Variants in PTPRR observed in about 807,000 individuals in gnomAD.
PTPRR encodes the protein receptor-type tyrosine-protein phosphatase R.
Under a neutral mutation model 77.2 loss-of-function variants are expected in PTPRR, and 38 were observed. The ratio of observed to expected loss-of-function variants is 0.49; its 90% CI spans 0.38 to 0.65. The LOEUF (loss-of-function observed/expected upper bound fraction) is 0.65. PTPRR is among the 30% of genes least tolerant of loss of function. The pLI is 0.00. For synonymous variants in PTPRR, 299 were observed against 283.1 expected (o/e 1.06, Z -0.57); for missense variants, 744 against 799.2 (o/e 0.93, Z 0.83).
At chr12:70,795,661 T>G (rs1051437599) in intron 2 of PTPRR, among the ~76,000 whole-genome samples, 3 of 152,194 alleles carry the variant, frequency 2.0e-5, no homozygotes, top group African/African-American at 7.2e-5. Context: ...AAATTTATTA[T>G]TCTCTTTACC....
intron 2 of PTPRR, among the ~76,000 whole-genome samples, chr12:70,881,117 T>C (rs2137104210): frequency 6.6e-6 from 1 of 152,222 alleles, no homozygotes; most frequent in South Asian, 2.1e-4. Context: ...CAGACCAGCT[T>C]CAAAAAAAGA....
intron 5 of PTPRR, among the ~76,000 whole-genome samples, chr12:70,753,646 C>G (rs1890473051): frequency 6.6e-6 from 1 of 152,124 alleles, no homozygotes; most frequent in Non-Finnish European, 1.5e-5. Flanking sequence ...TACATTTATA[C>G]TTTTGTACTA....
intron 2 of PTPRR, among the ~76,000 whole-genome samples, chr12:70,843,059 A>G (rs1223289237): frequency 1.3e-5 from 2 of 152,178 alleles, no homozygotes; most frequent in African/African-American, 4.8e-5. Context: ...CACCCACAAA[A>G]TGAAAAAACA....
intron 6 of PTPRR, among the ~76,000 whole-genome samples, chr12:70,703,269 C>T (rs1160554593): frequency 1.3e-5 from 2 of 152,004 alleles, no homozygotes; most frequent in Non-Finnish European, 2.9e-5. Flanking sequence ...TATTGATATG[C>T]CTATATGTTT....
chr12:70,876,079 C>T (rs1893047275), intron 2 of PTPRR, among the ~76,000 whole-genome samples: 1 of 151,976 alleles, frequency 6.6e-6, no homozygotes, highest in South Asian at 2.1e-4. Context: ...AGATAAATTG[C>T]TACAACTTTT....
chr12:70,848,902 G>T (rs1242266194), intron 2 of PTPRR, among the ~76,000 whole-genome samples: 1 of 152,122 alleles, frequency 6.6e-6, no homozygotes, highest in Non-Finnish European at 1.5e-5. Context: ...AATAACCTCT[G>T]TTGGGAATTA....
intron 2 of PTPRR, among the ~76,000 whole-genome samples, chr12:70,867,767 C>G (rs1026479577): frequency 6.6e-6 from 1 of 152,130 alleles, no homozygotes; most frequent in South Asian, 2.1e-4. Flanking sequence ...AGAGGCATCA[C>G]GCTACCTGAC....
At chr12:70,907,583 T>C (rs1893640700) in intron 1 of PTPRR, among the ~76,000 whole-genome samples, 1 of 152,240 alleles carries the variant, frequency 6.6e-6, no homozygotes, top group South Asian at 2.1e-4. Flanking sequence ...TGCCCAGCTT[T>C]AATAGAGTTA....
chr12:70,797,496 G>C (rs537210197), intron 2 of PTPRR, among the ~76,000 whole-genome samples: 2 of 151,920 alleles, frequency 1.3e-5, no homozygotes, highest in Non-Finnish European at 2.9e-5. Flanking sequence ...CCATTTCTTT[G>C]TTTCCACATA....
At chr12:70,771,774 G>T (rs1890983752) in intron 2 of PTPRR, among the ~76,000 whole-genome samples, 1 of 152,150 alleles carries the variant, frequency 6.6e-6, no homozygotes, top group African/African-American at 2.4e-5. Context: ...GAAAGATGCT[G>T]TGTAAGTTCC....
intron 2 of PTPRR, among the ~76,000 whole-genome samples, chr12:70,847,320 CA>C (rs977059527): frequency 2.0e-5 from 3 of 152,124 alleles, no homozygotes; most frequent in African/African-American, 7.2e-5. Context: ...TATCGATGCA[CA>C]AAATTTATGG....
intron 7 of PTPRR, among the ~76,000 whole-genome samples, chr12:70,698,904 T>C (rs1031767038): frequency 7.9e-5 from 12 of 152,200 alleles, no homozygotes; most frequent in African/African-American, 2.2e-4. Flanking sequence ...TTTTAAGTTA[T>C]AAATGCACTG....
At chr12:70,735,724 G>A (rs541850851) in intron 6 of PTPRR, among the ~76,000 whole-genome samples, 1 of 152,296 alleles carries the variant, frequency 6.6e-6, no homozygotes, top group South Asian at 2.1e-4. Flanking sequence ...GTGACATTGA[G>A]CATATTACTT....
intron 2 of PTPRR, among the ~76,000 whole-genome samples, chr12:70,785,998 T>A (rs1245278778): frequency 6.6e-6 from 1 of 152,138 alleles, no homozygotes; most frequent in Non-Finnish European, 1.5e-5. Flanking sequence ...CCCCTCCCCT[T>A]CCTTCAGTAT....
intron 3 of PTPRR, 92 bp from the exon 4 acceptor site, chr12:70,761,718 T>G (rs1366749131): frequency 2.9e-6 from 3 of 1,019,638 alleles, no homozygotes; most frequent in Non-Finnish European, 2.7e-6. Flanking sequence ...TTAAAGGAAG[T>G]CAGAATTCTA....
chr12:70,826,438 C>T (rs535401999), intron 2 of PTPRR, among the ~76,000 whole-genome samples: 2 of 152,276 alleles, frequency 1.3e-5, no homozygotes, highest in Admixed American at 1.3e-4. Flanking sequence ...TTATCTGCTC[C>T]CAACCCCTTC....
intron 6 of PTPRR, among the ~76,000 whole-genome samples, chr12:70,738,255 C>A (rs1265782549): frequency 6.6e-6 from 1 of 152,100 alleles, no homozygotes; most frequent in Non-Finnish European, 1.5e-5. Flanking sequence ...AACATGTATA[C>A]CCTATTATGG....
chr12:70,783,123 TC>T, intron 2 of PTPRR, among the ~76,000 whole-genome samples: 1 of 152,308 alleles, frequency 6.6e-6, no homozygotes, highest in South Asian at 2.1e-4. Flanking sequence ...TGAGTTCTTG[TC>T]CTGCATTCAG....
At chr12:70,882,568 A>C (rs979307502) in intron 2 of PTPRR, among the ~76,000 whole-genome samples, 2 of 152,202 alleles carry the variant, frequency 1.3e-5, no homozygotes, top group Non-Finnish European at 2.9e-5. Flanking sequence ...ATTTATAAAA[A>C]CTTTATTCTC....
Sources: allele counts gnomAD v4.1 joint callset (sites outside exome capture counted in the v4.1 genomes callset), GRCh38; gene constraint gnomAD v4.1.1; transcripts MANE v1.5; gene names NCBI Gene and HGNC (gene_info 2026-07-23, HGNC 2026-07-21).